EFCAB6: variants seen among roughly 807,000 people sequenced by gnomAD.
The protein encoded by EFCAB6 is EF-hand calcium binding domain 6.
In EFCAB6, 156 loss-of-function variants were observed where a neutral mutation model predicts 169.8. That is an observed-to-expected ratio of 0.92 (90% CI 0.81 to 1.05). The LOEUF (loss-of-function observed/expected upper bound fraction) is 1.05, where lower values mean the gene tolerates loss of function less well. Ranked by LOEUF, EFCAB6 falls within the 50% of genes least tolerant of loss-of-function variation. The probability of loss-of-function intolerance (pLI) is 0.00; values close to 1 mark genes in which losing one functional copy is unlikely to be tolerated. For missense variants in EFCAB6, 1,800 were observed against 1,829.1 expected, an observed-to-expected ratio of 0.98 and a Z score of 0.29; for synonymous variants, 698 against 676.4, an observed-to-expected ratio of 1.03 and a Z score of -0.50.
intron 27 of EFCAB6, among the ~76,000 whole-genome samples, chr22:43,545,915 T>C (rs2048029951): frequency 6.6e-6 from 1 of 152,158 alleles, no homozygotes; most frequent in African/African-American, 2.4e-5. Context: ...TTCAGCCAAA[T>C]ATAAGCTCTT....
intron 17 of EFCAB6, among the ~76,000 whole-genome samples, chr22:43,651,854 G>C (rs955460982): frequency 6.6e-6 from 1 of 152,218 alleles, no homozygotes; most frequent in Non-Finnish European, 1.5e-5. Context: ...CATGGGGCCT[G>C]TAGCCCATTT....
rs1602471556 is a variant in EFCAB6, at chr22:43,591,426, C to T, written c.2877-1197G>A. Among the ~76,000 whole-genome samples, 3 of 147,160 alleles carry T rather than the reference C, an allele frequency of 2.0e-5. No individual in the cohort carries two copies. The South Asian group carries it at 6.4e-4, about 31-fold the overall frequency. ...GAGCGGAGATCATGCCACTGTACTC[C>T]AGCCTGAGCAACAGAGCAAGACTCT... is the stretch of plus-strand genomic sequence containing the variant. On this transcript the variant is annotated intron_variant, in intron 23 of 31. Transcript: ENST00000262726.
At chr22:43,767,079 T>C (rs1197649132) in intron 4 of EFCAB6, among the ~76,000 whole-genome samples, 15 of 152,194 alleles carry the variant, frequency 9.9e-5, no homozygotes, top group African/African-American at 1.4e-4. Flanking sequence ...ACAATCAATA[T>C]AAATCTATTT....
intron 7 of EFCAB6, among the ~76,000 whole-genome samples, chr22:43,733,794 C>T (rs533173775): frequency 2.9e-4 from 44 of 152,152 alleles, no homozygotes; most frequent in Admixed American, 1.2e-3. Context: ...CTGCAACCTC[C>T]GCCTCCCGGG....
chr22:43,798,610 T>C (rs1168115630), intron 2 of EFCAB6, among the ~76,000 whole-genome samples: 3 of 152,230 alleles, frequency 2.0e-5, no homozygotes. Flanking sequence ...TGTCTCCCAC[T>C]AGACTTTCAG....
At chr22:43,666,609 G>A (rs1276316397) in intron 17 of EFCAB6, among the ~76,000 whole-genome samples, 1 of 150,726 alleles carries the variant, frequency 6.6e-6, no homozygotes, top group Non-Finnish European at 1.5e-5. Context: ...TTCAAGCTGA[G>A]CCCTTTCTGG....
intron 10 of EFCAB6, among the ~76,000 whole-genome samples, chr22:43,706,837 G>A (rs1457804614): frequency 2.0e-5 from 3 of 152,136 alleles, no homozygotes; most frequent in Non-Finnish European, 2.9e-5. Flanking sequence ...CAGCCAGCAC[G>A]AACACATTAA....
chr22:43,675,838 C>T (rs957696111), intron 13 of EFCAB6, among the ~76,000 whole-genome samples: 3 of 149,322 alleles, frequency 2.0e-5, no homozygotes, highest in Non-Finnish European at 4.4e-5. Flanking sequence ...ATATATATAT[C>T]CAGCAACATA....
intron 5 of EFCAB6, among the ~76,000 whole-genome samples, chr22:43,758,550 T>C (rs996884125): frequency 3.9e-5 from 6 of 152,242 alleles, no homozygotes; most frequent in African/African-American, 7.2e-5. Context: ...CAGCTGACTA[T>C]TGTCTAATGT....
chr22:43,746,377 T>G (rs1398284473), intron 6 of EFCAB6, among the ~76,000 whole-genome samples: 1 of 152,170 alleles, frequency 6.6e-6, no homozygotes, highest in Admixed American at 6.5e-5. Context: ...CTAAAAGTCA[T>G]AGTTGACACA....
chr22:43,785,081 G>A (rs1460932495), intron 2 of EFCAB6, among the ~76,000 whole-genome samples: 1 of 152,090 alleles, frequency 6.6e-6, no homozygotes, highest in Admixed American at 6.6e-5. Flanking sequence ...AACAATTATA[G>A]TTAGAAACCT....
At chr22:43,595,143 T>C (rs1393178524) in intron 23 of EFCAB6, among the ~76,000 whole-genome samples, 1 of 151,760 alleles carries the variant, frequency 6.6e-6, no homozygotes, top group East Asian at 1.9e-4. Flanking sequence ...AAGAGGGACA[T>C]GTATAGCAAT....
In EFCAB6 at chr22:43,672,068, T is replaced by C. The variant is rs541073385; in HGVS notation, c.1545A>G (p.Ser515=). The C allele has an allele frequency of 7.9e-5, 128 of 1,614,086 alleles. No individual in the cohort carries two copies. The highest frequency in any genetic ancestry group is 1.0e-4 in the Non-Finnish European group (120 of 1,180,018). ...NLQAFYNMLR[S]YDLGDTGRIG... Reference sequence around the variant, plus strand: ...TGCGCCCTGTGTCTCCAAGGTCATATGAGCGTAGCATGTTATAAAAAGCTT... The same window carrying C: ...TGCGCCCTGTGTCTCCAAGGTCATACGAGCGTAGCATGTTATAAAAAGCTT... The change falls in exon 15 of 32, where the codon TCA becomes TCG. Residue 515 remains serine, a synonymous_variant. Transcript: ENST00000262726.
intron 25 of EFCAB6, among the ~76,000 whole-genome samples, chr22:43,578,340 G>C (rs1380892833): frequency 6.6e-6 from 1 of 152,228 alleles, no homozygotes; most frequent in East Asian, 1.9e-4. Context: ...GTGGAGCCAG[G>C]ACTCTGTGAC....
intron 28 of EFCAB6, among the ~76,000 whole-genome samples, chr22:43,539,001 TG>T (rs1467482011): frequency 6.6e-6 from 1 of 152,186 alleles, no homozygotes; most frequent in Non-Finnish European, 1.5e-5. Flanking sequence ...CCTTGGTTTG[TG>T]GCCCCCTCCT....
intron 10 of EFCAB6, among the ~76,000 whole-genome samples, chr22:43,709,715 T>C (rs1487667223): frequency 6.6e-6 from 1 of 152,224 alleles, no homozygotes; most frequent in African/African-American, 2.4e-5. Flanking sequence ...ATTATTTGCA[T>C]AATTTTGAAA....
Position 43,716,941 on chromosome 22 carries a change from AT to A in EFCAB6, c.788del (p.Asn263IlefsTer8). ...EVSLENQQAK[N>X]SKKERLLGSA... ...AACCTAGCAAACGTTCCTTTTTGGAATTTTTGGCTTGTTGATTCTCCAACGA... is the reference window on the plus strand; with the variant it reads ...AACCTAGCAAACGTTCCTTTTTGGAATTTTGGCTTGTTGATTCTCCAACGA... On this transcript the variant is annotated frameshift_variant, in exon 9 of 32. Coordinates refer to ENST00000262726, the MANE Select transcript of EFCAB6 (RefSeq NM_022785.4). LOFTEE classifies it high-confidence loss of function. 2 of 1,570,498 alleles carry A rather than the reference AT, an allele frequency of 1.3e-6. No homozygotes were observed. The highest frequency in any genetic ancestry group is 1.7e-6 in the Non-Finnish European group (2 of 1,160,464).
At chr22:43,684,420 GGAC>G (rs1206742095) in intron 11 of EFCAB6, among the ~76,000 whole-genome samples, 1 of 152,126 alleles carries the variant, frequency 6.6e-6, no homozygotes, top group African/African-American at 2.4e-5. Context: ...CTGAAGGCCA[GGAC>G]TACCCCCTCT....
In EFCAB6 at chr22:43,580,516, G is replaced by T. The variant is rs9614382; in HGVS notation, c.3176C>A (p.Ala1059Asp). 6.2e-7 allele frequency: 1 copy of T among 1,613,830 alleles called. No homozygotes were observed. The highest frequency in any genetic ancestry group is 2.2e-5 in the East Asian group (1 of 44,842). ...INFATLNPQE[A>D]VRKIQEVVES... The stretch of plus-strand genomic sequence containing the variant: ...AACTACTTCCTGGATCTTCCTCACA[G>T]CCTCCTGTGGATTCAGCGTTGCAAA... Residue 1059 changes from alanine to aspartate, a missense_variant, in exon 25 of 32, where the codon GCT (alanine) becomes GAT (aspartate). Transcript: ENST00000262726.
Sources: gnomAD v4.1 joint callset for allele counts (sites outside exome capture counted in the v4.1 genomes callset) on GRCh38, gnomAD v4.1.1 for gene constraint, MANE v1.5 for transcripts, NCBI Gene and HGNC (gene_info 2026-07-23, HGNC 2026-07-21) for gene names.